FER1L6: variants seen among roughly 807,000 people sequenced by gnomAD.
The protein encoded by FER1L6 is fer-1 like family member 6.
A neutral mutation model predicts 219.2 loss-of-function variants in FER1L6; 177 were observed. The ratio of observed to expected loss-of-function variants is 0.81; its 90% CI spans 0.71 to 0.91. FER1L6 has a LOEUF of 0.91. Ranked by LOEUF, FER1L6 falls within the 40% of genes least tolerant of loss-of-function variation. The pLI is 0.00. For synonymous variants in FER1L6, 768 were observed against 824.3 expected (o/e 0.93, Z 1.17); for missense variants, 2,153 against 2,259.9 (o/e 0.95, Z 0.96).
chr8:123,973,683 A>G (rs1815924701), intron 7 of FER1L6, among the ~76,000 whole-genome samples, 171 bp downstream of exon 7: 1 of 152,204 alleles, frequency 6.6e-6, no homozygotes, highest in African/African-American at 2.4e-5. Flanking sequence ...TTACAGTCTA[A>G]TGATAAAATT....
At chr8:124,015,060 G>A (rs1074934) in intron 15 of FER1L6, among the ~76,000 whole-genome samples, 29,206 of 152,036 alleles carry the variant, frequency 0.19, 3,018 homozygotes, top group Non-Finnish European at 0.22. Flanking sequence ...GCCTTGCCAC[G>A]TGAGCCTCTC....
intron 31 of FER1L6, among the ~76,000 whole-genome samples, chr8:124,073,706 G>C (rs1788990621): frequency 6.6e-6 from 1 of 152,038 alleles, no homozygotes. Context: ...TTAAGACCCT[G>C]TTCTATGTCC....
At chr8:123,938,679 TGGG>T (rs1186630435) in intron 1 of FER1L6, among the ~76,000 whole-genome samples, 1 of 151,892 alleles carries the variant, frequency 6.6e-6, no homozygotes, top group Non-Finnish European at 1.5e-5. Flanking sequence ...CCTGAGTAGC[TGGG>T]ACTACAGGTG....
intron 1 of FER1L6, among the ~76,000 whole-genome samples, chr8:123,895,890 A>C (rs1812734087): frequency 6.6e-6 from 1 of 152,188 alleles, no homozygotes; most frequent in African/African-American, 2.4e-5. Context: ...GTGCTGAGAA[A>C]ATAGAGATGA....
At chr8:123,883,871 C>T (rs561503772) in intron 1 of FER1L6, among the ~76,000 whole-genome samples, 2 of 152,318 alleles carry the variant, frequency 1.3e-5, no homozygotes, top group Non-Finnish European at 2.9e-5. Context: ...GACTTCATCG[C>T]CTTTTAAACA....
chr8:123,951,310 A>G (rs567902674), intron 1 of FER1L6, among the ~76,000 whole-genome samples: 11 of 152,320 alleles, frequency 7.2e-5, no homozygotes, highest in African/African-American at 2.6e-4. Context: ...TATGGATTAG[A>G]TGTGTAGCCA....
intron 39 of FER1L6, among the ~76,000 whole-genome samples, chr8:124,105,772 T>A (rs903644694): frequency 5.9e-5 from 9 of 152,124 alleles, no homozygotes; most frequent in Admixed American, 5.2e-4. Flanking sequence ...AGCTGATGAG[T>A]CCATTTTTAA....
intron 12 of FER1L6, among the ~76,000 whole-genome samples, chr8:124,000,224 C>T (rs1484230847): frequency 1.3e-5 from 2 of 152,142 alleles, no homozygotes; most frequent in African/African-American, 2.4e-5. Flanking sequence ...ATTTTCTTTC[C>T]ACACCATTTG....
intron 12 of FER1L6, among the ~76,000 whole-genome samples, chr8:124,001,685 G>A (rs1817417302): frequency 6.6e-6 from 1 of 152,176 alleles, no homozygotes; most frequent in Non-Finnish European, 1.5e-5. Flanking sequence ...AATGAACTGG[G>A]AGAAAGACTC....
intron 1 of FER1L6, among the ~76,000 whole-genome samples, chr8:123,920,111 G>A (rs929276707): frequency 6.6e-5 from 10 of 152,206 alleles, no homozygotes; most frequent in African/African-American, 2.4e-4. Flanking sequence ...CTGAGCCTGG[G>A]ACACTCTGTG....
chr8:124,114,835 T>C (rs1363253418), intron 39 of FER1L6, among the ~76,000 whole-genome samples: 2 of 149,236 alleles, frequency 1.3e-5, no homozygotes, highest in Non-Finnish European at 3.0e-5. Context: ...TGCATGTATG[T>C]GGATGTAACT....
At chr8:123,905,569 G>A (rs1488302853) in intron 1 of FER1L6, among the ~76,000 whole-genome samples, 1 of 152,156 alleles carries the variant, frequency 6.6e-6, no homozygotes, top group African/African-American at 2.4e-5. Flanking sequence ...GGACCTAAAG[G>A]AATGCTGCTA....
At chr8:123,876,836 G>A (rs961436935) in intron 1 of FER1L6, among the ~76,000 whole-genome samples, 5 of 152,164 alleles carry the variant, frequency 3.3e-5, no homozygotes, top group Admixed American at 1.3e-4. Flanking sequence ...CACTGATATA[G>A]CCTTAGAACT....
At chr8:123,942,304 C>T (rs1335885849) in intron 1 of FER1L6, among the ~76,000 whole-genome samples, 1 of 152,208 alleles carries the variant, frequency 6.6e-6, no homozygotes, top group Admixed American at 6.5e-5. Flanking sequence ...CCCTCACCGC[C>T]AGGTCCTCTT....
chr8:123,951,830 C>T (rs1231680958), intron 1 of FER1L6, among the ~76,000 whole-genome samples: 1 of 152,224 alleles, frequency 6.6e-6, no homozygotes, highest in Non-Finnish European at 1.5e-5. Flanking sequence ...AGGTGAGGTG[C>T]ACAGGTAACC....
At chr8:124,101,649 A>G (rs1235290977) in intron 38 of FER1L6, among the ~76,000 whole-genome samples, 2 of 152,202 alleles carry the variant, frequency 1.3e-5, no homozygotes, top group African/African-American at 4.8e-5. Flanking sequence ...TACATACTTC[A>G]GAGAGGGGCG....
intron 27 of FER1L6, 127 bp downstream of exon 27, chr8:124,066,677 C>A: frequency 9.6e-7 from 1 of 1,043,978 alleles, no homozygotes; most frequent in Non-Finnish European, 1.4e-6. Context: ...AGGTGTGGTT[C>A]TGTTAACTGC....
In FER1L6 at chr8:124,013,461, A is replaced by T; in HGVS notation, c.1852A>T (p.Ile618Phe). ...EESIEEVRELIKISQEAPEEK... is the reference protein window; with the variant it reads ...EESIEEVRELFKISQEAPEEK... Reference sequence around the variant, plus strand: ...AAGTATAGAAGAAGTGAGAGAATTGATCAAGATTTCACAGGAGGCACCTGA... The same window carrying T: ...AAGTATAGAAGAAGTGAGAGAATTGTTCAAGATTTCACAGGAGGCACCTGA... Residue 618 changes from isoleucine (I) to phenylalanine (F), a missense_variant, in exon 15 of 41, where the codon ATC becomes TTC. Ile to Phe is a conservative substitution (Grantham distance 21). Transcript: ENST00000522917. 6.2e-7 allele frequency: 1 copy of T among 1,610,198 alleles called. No homozygotes were observed. The highest frequency in any genetic ancestry group is 8.5e-7 in the Non-Finnish European group (1 of 1,178,942).
chr8:124,014,445 G>A (rs1352253410), intron 15 of FER1L6: 1 of 152,838 alleles, frequency 6.5e-6, no homozygotes. Flanking sequence ...GTCTTTCCTG[G>A]TTATTTGATG....
Sources: gnomAD v4.1 joint callset for allele counts (sites outside exome capture counted in the v4.1 genomes callset) on GRCh38, gnomAD v4.1.1 for gene constraint, MANE v1.5 for transcripts, NCBI Gene and HGNC (gene_info 2026-07-23, HGNC 2026-07-21) for gene names.